The following RBFOX1 variants were observed in gnomAD, a reference collection of about 807,000 sequenced individuals.
RBFOX1 encodes the protein RNA binding fox-1 homolog 1.
RBFOX1 carries 8 observed loss-of-function variants against 57.7 expected under a neutral mutation model. The ratio of observed to expected loss-of-function variants is 0.14; its 90% CI spans 0.08 to 0.25. RBFOX1 has a LOEUF of 0.25. Ranked by LOEUF, RBFOX1 falls within the 10% of genes least tolerant of loss-of-function variation. RBFOX1 has a pLI of 1.00. For missense variants in RBFOX1, 611 were observed against 548.5 expected, an observed-to-expected ratio of 1.11 and a Z score of -1.14; for synonymous variants, 326 against 222.4, an observed-to-expected ratio of 1.47 and a Z score of -4.15.
rs78173901 is a variant in RBFOX1 at position 6,533,331 on chromosome 16, C to A, written c.-63-121272C>A. ...CAGTATCATCAGGAAAATTTGAGAA[C>A]CTGGCTCAGAAAATAGACAAAAGGG... On this transcript the variant is annotated intron_variant, in intron 2 of 15. Transcript: ENST00000550418. Among the ~76,000 whole-genome samples, 1,435 of 152,252 alleles carry A rather than the reference C, an allele frequency of 9.4e-3. 53 individuals are homozygous for A. The East Asian group carries it at 0.096, about 10-fold the overall frequency.
chr16:6,007,970 T>C (rs2094937151), intron 4 of RBFOX1, among the ~76,000 whole-genome samples: 1 of 152,074 alleles, frequency 6.6e-6, no homozygotes. Flanking sequence ...CCCAACACCT[T>C]AGGAGGTTGA....
At chr16:6,768,123 C>T (rs1051743569) in intron 3 of RBFOX1, among the ~76,000 whole-genome samples, 6 of 150,748 alleles carry the variant, frequency 4.0e-5, no homozygotes, top group East Asian at 2.0e-4. Context: ...GCTTGGCCCC[C>T]GAGGCAGAGG....
intron 2 of RBFOX1, among the ~76,000 whole-genome samples, chr16:6,626,330 G>A (rs766339433): frequency 4.6e-5 from 7 of 152,124 alleles, no homozygotes; most frequent in Non-Finnish European, 1.0e-4. Context: ...TAGAAGAGAA[G>A]ATCCATGGTG....
chr16:7,607,175 T>G, intron 9 of RBFOX1, 110 bp from the exon 10 acceptor site: 2 of 1,010,672 alleles, frequency 2.0e-6, no homozygotes, highest in East Asian at 2.6e-5. Context: ...TCCTTTACAT[T>G]TTAAAATACA....
intron 1 of RBFOX1, among the ~76,000 whole-genome samples, chr16:5,337,924 G>T (rs1053049051): frequency 3.2e-4 from 48 of 152,104 alleles, no homozygotes; most frequent in African/African-American, 1.1e-3. Context: ...CATATCTGTA[G>T]TCCCAGCTAC....
At position 7,557,130 on chromosome 16, in the gene RBFOX1, G is replaced by A. The variant is rs1443474845; in HGVS notation, c.271-22647G>A. Among the ~76,000 whole-genome samples, 5 of 152,090 alleles carry A rather than the reference G, an allele frequency of 3.3e-5. No individual in the cohort carries two copies. The East Asian group carries it at 9.7e-4, about 29-fold the overall frequency. ...TATTATAAACCCATTTTACAGATGA[G>A]GGAACTGAGGTACCATGGAGGTGAA... On this transcript the variant is annotated intron_variant, in intron 5 of 15. Transcript: ENST00000550418.
At chr16:6,863,398 C>T (rs1053544954) in intron 3 of RBFOX1, among the ~76,000 whole-genome samples, 3 of 152,010 alleles carry the variant, frequency 2.0e-5, no homozygotes, top group African/African-American at 4.8e-5. Context: ...AGATTCAAAG[C>T]TCCTTACTAA....
chr16:6,779,386 A>T (rs982274535), intron 3 of RBFOX1, among the ~76,000 whole-genome samples: 1 of 151,962 alleles, frequency 6.6e-6, no homozygotes, highest in African/African-American at 2.4e-5. Context: ...CATTGTATGT[A>T]TGTACCACAT....
intron 1 of RBFOX1, among the ~76,000 whole-genome samples, chr16:6,058,311 T>G (rs1445488103): frequency 6.6e-6 from 1 of 151,354 alleles, no homozygotes; most frequent in Non-Finnish European, 1.5e-5. Context: ...CCTCCTCTTC[T>G]TCCTCCCTCC....
chr16:7,335,401 G>C (rs1266659174), intron 4 of RBFOX1, among the ~76,000 whole-genome samples: 1 of 152,170 alleles, frequency 6.6e-6, no homozygotes, highest in East Asian at 1.9e-4. Flanking sequence ...TCTGTGACTG[G>C]AGATGTTGAA....
intron 2 of RBFOX1, among the ~76,000 whole-genome samples, chr16:6,501,118 C>G (rs1044641432): frequency 4.1e-5 from 6 of 146,762 alleles, no homozygotes; most frequent in African/African-American, 7.6e-5. Flanking sequence ...CTTTGTCTTG[C>G]CAGTTAAACA....
chr16:5,455,334 A>G (rs960543344), intron 1 of RBFOX1, among the ~76,000 whole-genome samples: 4 of 152,170 alleles, frequency 2.6e-5, no homozygotes, highest in African/African-American at 9.6e-5. Context: ...ACCAAGACAG[A>G]TATATGGCTT....
At chr16:6,567,160 G>C (rs1362195928) in intron 2 of RBFOX1, among the ~76,000 whole-genome samples, 1 of 152,136 alleles carries the variant, frequency 6.6e-6, no homozygotes, top group African/African-American at 2.4e-5. Context: ...TGTTGACCCA[G>C]TCTTGGCAGT....
At chr16:7,091,046 G>T (rs562378228) in intron 4 of RBFOX1, among the ~76,000 whole-genome samples, 58 of 152,268 alleles carry the variant, frequency 3.8e-4, no homozygotes, top group African/African-American at 1.4e-3. Context: ...AAATTCCTCT[G>T]CCACTCAAGT....
intron 2 of RBFOX1, among the ~76,000 whole-genome samples, chr16:5,517,900 T>C (rs2043852449): frequency 6.6e-6 from 1 of 151,858 alleles, no homozygotes; most frequent in African/African-American, 2.4e-5. Flanking sequence ...TACATATATA[T>C]GTGTATATTT....
chr16:5,334,730 T>A (rs974446646), intron 1 of RBFOX1, among the ~76,000 whole-genome samples: 1 of 151,786 alleles, frequency 6.6e-6, no homozygotes, highest in Non-Finnish European at 1.5e-5. Flanking sequence ...TTCATAGGAA[T>A]AATGTACCAT....
intron 2 of RBFOX1, among the ~76,000 whole-genome samples, chr16:5,592,558 A>C (rs939800570): frequency 6.6e-6 from 1 of 152,078 alleles, no homozygotes. Flanking sequence ...CTGGGATTAC[A>C]GACTCCCACC....
intron 4 of RBFOX1, among the ~76,000 whole-genome samples, chr16:7,399,471 TAAATAA>T (rs1369606376): frequency 2.6e-5 from 4 of 151,988 alleles, no homozygotes; most frequent in African/African-American, 4.8e-5. Context: ...AATGAATAAA[TAAATAA>T]AAATAAAAAT....
At chr16:5,310,586 T>C (rs1008085852) in intron 1 of RBFOX1, among the ~76,000 whole-genome samples, 1 of 152,176 alleles carries the variant, frequency 6.6e-6, no homozygotes, top group African/African-American at 2.4e-5. Context: ...TAGAGATTCA[T>C]GGGCAGAGGC....
Sources: allele counts gnomAD v4.1 joint callset (sites outside exome capture counted in the v4.1 genomes callset), GRCh38; gene constraint gnomAD v4.1.1; transcripts MANE v1.5; gene names NCBI Gene and HGNC (gene_info 2026-07-23, HGNC 2026-07-21).